The following PAPLN variants were observed in gnomAD, a reference collection of about 807,000 sequenced individuals.
The protein encoded by PAPLN is papilin.
PAPLN carries 146 observed loss-of-function variants against 159.0 expected under a neutral mutation model. That is an observed-to-expected ratio of 0.92 (90% confidence interval 0.80 to 1.05). The LOEUF (loss-of-function observed/expected upper bound fraction) is 1.05. Among genes scored for constraint, PAPLN ranks in the 50% least tolerant of loss-of-function variants. PAPLN has a pLI of 0.00. For synonymous variants in PAPLN, 734 were observed against 702.9 expected, an observed-to-expected ratio of 1.04 and a Z score of -0.70; for missense variants, 1,720 against 1,743.9, an observed-to-expected ratio of 0.99 and a Z score of 0.24.
intron 19 of PAPLN, 25 bp from the exon 20 acceptor site, chr14:73,263,620 C>T (rs779966419): frequency 6.2e-7 from 1 of 1,613,366 alleles, no homozygotes. Context: ...TGCCAGTCAG[C>T]AGATCTCACT....
At chr14:73,236,893 GAA>G (rs1234964191), upstream of PAPLN, among the ~76,000 whole-genome samples, 6 of 107,516 alleles carry the variant, frequency 5.6e-5, no homozygotes, top group East Asian at 3.1e-4. Flanking sequence ...GAGGAAAGTA[GAA>G]AGAAAGAAAA....
Position 73,273,217 on chromosome 14 carries a change from TG to T in PAPLN, c.*554del, listed in dbSNP as rs1334466860. 1 of 152,180 alleles carries T rather than the reference TG, an allele frequency of 6.6e-6. No individual in the cohort carries two copies. Among genetic ancestry groups the T allele is most frequent in the Non-Finnish European group, 1.5e-5 (1 of 68,054 alleles). The allele number at this position is 152,180 out of a possible 1,614,324, so 9.4% of individuals were successfully genotyped here. A position where few individuals can be genotyped will look rare whatever the true frequency, so the allele number is the denominator to read the frequency against. On this transcript the variant is annotated 3_prime_UTR_variant, in exon 27 of 27. Transcript: ENST00000644200. ...CTGGTCTCGAACTTCTGACCTCAGA[TG>T]ATCTGCCCGCCTCAGCCTCCCAAAG...
chr14:73,253,700 TG>T, intron 11 of PAPLN, 53 bp from the exon 12 acceptor site: 1 of 1,489,734 alleles, frequency 6.7e-7, no homozygotes, highest in Admixed American at 2.1e-5. Flanking sequence ...CCCTCAGGGC[TG>T]GGTTTCTGCC....
At chr14:73,254,737 C>A (rs578041359) in intron 13 of PAPLN, 42 bp downstream of exon 13, 6 of 1,601,252 alleles carry the variant, frequency 3.7e-6, no homozygotes, top group South Asian at 3.3e-5. Flanking sequence ...TGACCCTGGT[C>A]TCTGGCAGGT....
At chr14:73,249,674 CAA>C (rs58852515) in intron 5 of PAPLN, 204 of 93,398 alleles carry the variant, frequency 2.2e-3, no homozygotes, top group African/African-American at 6.2e-3. Flanking sequence ...GACTCCACCT[CAA>C]AAAAAAAAAA....
chr14:73,264,587 G>C lies in PAPLN; in HGVS notation c.2987-1G>C, dbSNP rs778555784. The C allele has an allele frequency of 3.8e-6, 6 of 1,585,284 alleles. No homozygotes were observed. In the South Asian group the frequency reaches 6.8e-5, roughly 18 times the overall value. ...CCTTGTTTCTCCTGGCCTCATGACA[G>C]GGGGTGACATGGCCGTGCTGTCTGA... is the stretch of plus-strand genomic sequence containing the variant. On this transcript the variant is annotated splice_acceptor_variant, in intron 21 of 26. Coordinates refer to ENST00000644200, the MANE Select transcript of PAPLN (RefSeq NM_001365906.3). LOFTEE classifies it high-confidence loss of function.
rs537233002 is a variant in PAPLN, at chr14:73,253,605, G to A, written c.1095-149G>A. The A allele has an allele frequency of 1.2e-4, 88 of 748,068 alleles. No individual in the cohort carries two copies. In the African/African-American group the frequency reaches 1.4e-3, roughly 12 times the overall value. 46.3% of individuals were successfully genotyped at this position (748,068 alleles called of 1,614,324 possible). On this transcript the variant is annotated intron_variant, in intron 11 of 26. Transcript: ENST00000644200. ...TGGTGGGGATGCTAAGGAGCGCCTG[G>A]GTCGTAGCCTTTGTTCAGGCTGGAG...
At chr14:73,257,626 A>G (rs1566692560) in intron 14 of PAPLN, among the ~76,000 whole-genome samples, 1 of 152,174 alleles carries the variant, frequency 6.6e-6, no homozygotes, top group Non-Finnish European at 1.5e-5. Context: ...GTTGAACAAT[A>G]TGATAGAAAC....
chr14:73,248,400 CAG>C (rs374723688), intron 5 of PAPLN, among the ~76,000 whole-genome samples: 5 of 152,028 alleles, frequency 3.3e-5, no homozygotes, highest in Admixed American at 2.0e-4. Context: ...AATTGGAACA[CAG>C]GGGAAAGTCT....
Position 73,259,546 on chromosome 14 carries a change from G to A in PAPLN, c.1985+1G>A, listed in dbSNP as rs1233449449. ...CTGGGGCCCCCTGTCAGCAGAGCAG[G>A]TGGGTGCTGGAGACAGGTCTTCCTC... On this transcript the variant is annotated splice_donor_variant, in intron 16 of 26. Coordinates refer to ENST00000644200, the MANE Select transcript of PAPLN (RefSeq NM_001365906.3). LOFTEE classifies it high-confidence loss of function. The A allele has an allele frequency of 6.4e-7, 1 of 1,552,288 alleles. No individual in the cohort carries two copies. Among genetic ancestry groups the A allele is most frequent in the Non-Finnish European group, 8.7e-7 (1 of 1,148,492 alleles).
intron 25 of PAPLN, among the ~76,000 whole-genome samples, chr14:73,267,471 C>T (rs1887338322): frequency 1.3e-5 from 2 of 152,206 alleles, no homozygotes; most frequent in Non-Finnish European, 2.9e-5. Context: ...TGTTTTGTTG[C>T]AACTGCTGTC....
At chr14:73,268,214 C>T (rs540688641) in intron 25 of PAPLN, among the ~76,000 whole-genome samples, 39 of 152,188 alleles carry the variant, frequency 2.6e-4, no homozygotes, top group Non-Finnish European at 1.8e-4. Context: ...CACTTCGCTG[C>T]GTCAGTGCGA....
Position 73,251,654 on chromosome 14 carries a change from C to T in PAPLN, c.671-10C>T. 3 of 1,613,486 alleles carry T rather than the reference C, an allele frequency of 1.9e-6. No homozygotes were observed. Among genetic ancestry groups the T allele is most frequent in the Non-Finnish European group, 2.5e-6 (3 of 1,180,014 alleles). ...CCCTCTGGCTGACTGAGGCGGTCTC[C>T]TCTGCGCAGCTGTGAAGAATGTTCG... On this transcript the variant is annotated splice_polypyrimidine_tract_variant and intron_variant, in intron 8 of 26. Coordinates refer to ENST00000644200, the MANE Select transcript of PAPLN (RefSeq NM_001365906.3).
intron 26 of PAPLN, among the ~76,000 whole-genome samples, chr14:73,269,303 T>G (rs1887496145): frequency 6.6e-6 from 1 of 152,068 alleles, no homozygotes; most frequent in Non-Finnish European, 1.5e-5. Context: ...ATGTTTTTTT[T>G]TTTTTACCCC....
upstream of PAPLN, among the ~76,000 whole-genome samples, chr14:73,236,815 TAAA>T (rs901162327): frequency 1.3e-5 from 1 of 76,926 alleles, no homozygotes; most frequent in African/African-American, 4.7e-5. Flanking sequence ...AAACTCCGTC[TAAA>T]AAAAAAAAAA....
Position 73,254,693 on chromosome 14 carries a change from C to T in PAPLN, c.1483C>T (p.Leu495=). 9 of 1,612,962 alleles carry T rather than the reference C, an allele frequency of 5.6e-6. No individual in the cohort carries two copies. The highest frequency in any genetic ancestry group is 6.8e-6 in the Non-Finnish European group (8 of 1,179,242). The change falls in exon 13 of 27, where the codon CTA becomes TTA. Residue 495 remains leucine (L), a splice_region_variant and synonymous_variant. Transcript: ENST00000644200. The part of the protein sequence containing the change: ...DQAWHVGTWG[L]CSKSCSSGTR... ...GGCCTGGCATGTTGGCACCTGGGGT[C>T]TAGTGAGTGCTCTCCACCCCCACAC...
chr14:73,239,808 G>A lies in PAPLN; in HGVS notation c.30G>A (p.Leu10=). The A allele has an allele frequency of 2.5e-6, 4 of 1,594,480 alleles. No homozygotes were observed. The highest frequency in any genetic ancestry group is 2.2e-5 in the East Asian group (1 of 44,550). The change falls in exon 2 of 27, where the codon CTG becomes CTA. Residue 10 remains leucine (L), a synonymous_variant. Coordinates refer to ENST00000644200, the MANE Select transcript of PAPLN (RefSeq NM_001365906.3). MRLLLLVPL[L]LAPAPGSSAP... ...GGCTGCTCCTGCTCGTGCCGCTGCT[G>A]CTGGCTCCAGCGCCCGGGTCCTCGG...
intron 25 of PAPLN, among the ~76,000 whole-genome samples, chr14:73,267,915 T>C (rs1887379746): frequency 6.6e-6 from 1 of 152,080 alleles, no homozygotes; most frequent in South Asian, 2.1e-4. Context: ...CAGCTGTCCA[T>C]GTTGGTTGCC....
chr14:73,254,577 C>T lies in PAPLN; in HGVS notation c.1367C>T (p.Ser456Phe), dbSNP rs942750813. 1.5e-5 allele frequency: 24 copies of T among 1,613,936 alleles called. No homozygotes were observed. The highest frequency in any genetic ancestry group is 1.0e-4 in the Admixed American group (6 of 59,992). The change falls in exon 13 of 27, where the codon TCT becomes TTT. Residue 456 changes from serine to phenylalanine, a missense_variant. Physicochemically the swap from Ser to Phe is radical, Grantham distance 155. Transcript: ENST00000644200. Reference protein sequence around the residue: ...RSVTCRGERGSLLHTAACSLE... With the variant: ...RSVTCRGERGFLLHTAACSLE... ...GTTACTTGCCGGGGTGAAAGGGGTT[C>T]TTTGCTCCATACCGCAGCGTGCTCC...
Sources: gnomAD v4.1 joint callset for allele counts (sites outside exome capture counted in the v4.1 genomes callset) on GRCh38, gnomAD v4.1.1 for gene constraint, MANE v1.5 for transcripts, NCBI Gene and HGNC (gene_info 2026-07-23, HGNC 2026-07-21) for gene names.